Variants in DNAAF4 observed in about 807,000 individuals in gnomAD.
DNAAF4 encodes dynein axonemal assembly factor 4.
In DNAAF4, 43 loss-of-function variants were observed where a neutral mutation model predicts 51.8. The observed-to-expected ratio is 0.83, with a 90% CI of 0.65 to 1.07. DNAAF4 has a LOEUF of 1.07. DNAAF4 is among the 50% of genes least tolerant of loss of function. The pLI is 0.00. For synonymous variants in DNAAF4, 194 were observed against 165.6 expected (o/e 1.17, Z -1.32); for missense variants, 581 against 493.0 (o/e 1.18, Z -1.69).
rs772339399 is a variant in DNAAF4, at chr15:55,430,621, A to G, written c.*49T>C. The G allele has an allele frequency of 2.3e-5, 37 of 1,587,562 alleles. No homozygotes were observed. The highest frequency in any genetic ancestry group is 1.5e-5 in the Non-Finnish European group (17 of 1,167,788). ...CCATAATATGTACAAAGATGCCTCC[A>G]GTTGTTTTTAAAAAACTTATAACAA... On this transcript the variant is annotated 3_prime_UTR_variant, in exon 10 of 10. Transcript: ENST00000321149.
intron 1 of DNAAF4, among the ~76,000 whole-genome samples, chr15:55,505,605 C>T (rs571463631): frequency 2.6e-5 from 4 of 152,110 alleles, no homozygotes; most frequent in South Asian, 2.1e-4. Flanking sequence ...GAGGAGTTCA[C>T]GTCCTTTGCA....
Position 55,448,500 on chromosome 15 carries a change from C to CA in DNAAF4, c.783+1721dup, listed in dbSNP as rs1172391709. On this transcript the variant is annotated intron_variant, in intron 6 of 9. Coordinates refer to ENST00000321149, the MANE Select transcript of DNAAF4 (RefSeq NM_130810.4). ...GGGCAGCAGAGCAAGACCCCCAACTCAAAAAAAAAAAAAAAAAGGGTGTGT... is the reference window on the plus strand; with the variant it reads ...GGGCAGCAGAGCAAGACCCCCAACTCAAAAAAAAAAAAAAAAAAGGGTGTGT... Among the ~76,000 whole-genome samples, 440 of 61,692 alleles carry CA rather than the reference C, an allele frequency of 7.1e-3. 32 individuals carry two copies. Among genetic ancestry groups the CA allele is most frequent in the African/African-American group, 0.022 (317 of 14,530 alleles). The allele number at this position is 61,692 out of a possible 152,430, so 40.5% of individuals were successfully genotyped here.
rs2058669640 is a variant in DNAAF4, at chr15:55,498,449, T to C, written c.-120A>G. On this transcript the variant is annotated 5_prime_UTR_variant, in exon 2 of 10. Transcript: ENST00000321149. ...GGTCAGGCCGGCCGGGAGCCCGGCG[T>C]TCCCAGCGTGCTCCGGCGCCAGCAC... is the stretch of plus-strand genomic sequence containing the variant. The C allele has an allele frequency of 5.5e-6, 8 of 1,444,016 alleles. No individual in the cohort carries two copies. Among genetic ancestry groups the C allele is most frequent in the Non-Finnish European group, 3.7e-6 (4 of 1,093,498 alleles). The allele number at this position is 1,444,016 out of a possible 1,614,324, so 89.5% of individuals were successfully genotyped here. A position where few individuals can be genotyped will look rare whatever the true frequency, so the allele number is the denominator to read the frequency against.
At chr15:55,464,511 C>A (rs1266095989) in intron 5 of DNAAF4, among the ~76,000 whole-genome samples, 1 of 152,168 alleles carries the variant, frequency 6.6e-6, no homozygotes, top group Admixed American at 6.6e-5. Flanking sequence ...GCACAGTAAA[C>A]AGACAACCCA....
At chr15:55,421,988 G>T (rs2057392618) in intron 7 of DNAAF4, among the ~76,000 whole-genome samples, 1 of 150,394 alleles carries the variant, frequency 6.6e-6, no homozygotes, top group African/African-American at 2.4e-5. Context: ...AGTCCTAATG[G>T]AGTTTAGATT....
At chr15:55,442,923 T>C in intron 6 of DNAAF4, 10 of 1,611,628 alleles carry the variant, frequency 6.2e-6, no homozygotes, top group Non-Finnish European at 8.5e-6. Flanking sequence ...GTGGTCCTTC[T>C]AGGTAAGGGA....
At chr15:55,421,514 A>G (rs1429011732) in intron 7 of DNAAF4, among the ~76,000 whole-genome samples, 1 of 152,024 alleles carries the variant, frequency 6.6e-6, no homozygotes, top group African/African-American at 2.4e-5. Flanking sequence ...AAAATAATAA[A>G]ATTATCAGGA....
At chr15:55,420,197 G>A (rs929852027) in intron 7 of DNAAF4, among the ~76,000 whole-genome samples, 2 of 152,044 alleles carry the variant, frequency 1.3e-5, no homozygotes, top group African/African-American at 4.8e-5. Flanking sequence ...GCTATTCTAG[G>A]GAGAGGAAAC....
At chr15:55,424,093 C>A (rs2057410298) in intron 7 of DNAAF4, among the ~76,000 whole-genome samples, 1 of 151,584 alleles carries the variant, frequency 6.6e-6, no homozygotes, top group African/African-American at 2.4e-5. Flanking sequence ...CTGTCACACA[C>A]ACAAAAGAGA....
intron 6 of DNAAF4, among the ~76,000 whole-genome samples, chr15:55,448,626 T>G (rs2141455703): frequency 6.7e-6 from 1 of 150,272 alleles, no homozygotes; most frequent in African/African-American, 2.4e-5. Context: ...TCCCAGCACT[T>G]TGGGAGGCCG....
At chr15:55,447,721 C>T (rs866811526) in intron 6 of DNAAF4, among the ~76,000 whole-genome samples, 15 of 147,792 alleles carry the variant, frequency 1.0e-4, no homozygotes, top group South Asian at 6.6e-4. Context: ...GAGGTGGCAG[C>T]GAGCCGAGAT....
intron 4 of DNAAF4, among the ~76,000 whole-genome samples, chr15:55,473,684 T>C (rs1196741690): frequency 6.6e-6 from 1 of 152,102 alleles, no homozygotes; most frequent in African/African-American, 2.4e-5. Flanking sequence ...GACTATGTTA[T>C]ACTTCATGAC....
rs1170147689 is a variant in DNAAF4, at chr15:55,467,035, C to T, written c.532G>A (p.Glu178Lys). 1 of 1,562,798 alleles carries T rather than the reference C, an allele frequency of 6.4e-7. No individual in the cohort carries two copies. Among genetic ancestry groups the T allele is most frequent in the East Asian group, 2.4e-5 (1 of 41,800 alleles). ...KAEEQKKIQR[E>K]EKLCQKEKQI... ...TTTTCTTTTTGACATAATTTCTCTT[C>T]TCTCTGAATTTTTTTTTGCTCCTCA... is the stretch of plus-strand genomic sequence containing the variant. The change falls in exon 5 of 10, where the codon GAA becomes AAA. Residue 178 changes from glutamate to lysine, a missense_variant. Coordinates refer to ENST00000321149, the MANE Select transcript of DNAAF4 (RefSeq NM_130810.4).
chr15:55,464,453 G>A (rs533648558), intron 5 of DNAAF4, among the ~76,000 whole-genome samples: 2 of 152,218 alleles, frequency 1.3e-5, no homozygotes, highest in African/African-American at 4.8e-5. Flanking sequence ...ATAAATAGAT[G>A]GGACTTAATT....
chr15:55,452,337 A>T (rs1463039519), intron 5 of DNAAF4, among the ~76,000 whole-genome samples: 1 of 151,556 alleles, frequency 6.6e-6, no homozygotes, highest in South Asian at 2.1e-4. Flanking sequence ...TTTACTTCAG[A>T]TTACTAATAA....
chr15:55,426,688 G>A (rs2141388140), downstream of DNAAF4, among the ~76,000 whole-genome samples: 1 of 152,256 alleles, frequency 6.6e-6, no homozygotes, highest in South Asian at 2.1e-4. Context: ...CCAAAGTGCT[G>A]GAATTACAGG....
At chr15:55,490,517 A>G (rs2141584749) in intron 4 of DNAAF4, among the ~76,000 whole-genome samples, 1 of 152,352 alleles carries the variant, frequency 6.6e-6, no homozygotes, top group African/African-American at 2.4e-5. Context: ...CTTCTGTTTT[A>G]AAATCATATC....
At chr15:55,500,374 T>A (rs962580675) in intron 1 of DNAAF4, among the ~76,000 whole-genome samples, 2 of 151,732 alleles carry the variant, frequency 1.3e-5, no homozygotes, top group South Asian at 2.1e-4. Flanking sequence ...TTTAAAAAAA[T>A]TTCTTTTGTC....
chr15:55,439,671 T>G (rs2057675596), intron 6 of DNAAF4, 90 bp from the exon 7 acceptor site: 1 of 1,141,410 alleles, frequency 8.8e-7, no homozygotes, highest in Admixed American at 2.3e-5. Context: ...TCCAGTGGAT[T>G]GAAATATTAT....
Sources: allele counts gnomAD v4.1 joint callset (sites outside exome capture counted in the v4.1 genomes callset), GRCh38; gene constraint gnomAD v4.1.1; transcripts MANE v1.5; gene names NCBI Gene and HGNC (gene_info 2026-07-23, HGNC 2026-07-21).